The following GRIK4 variants were observed in gnomAD, a reference collection of about 807,000 sequenced individuals.
GRIK4 encodes glutamate receptor ionotropic, kainate 4.
A neutral mutation model predicts 104.9 loss-of-function variants in GRIK4; 40 were observed. The ratio of observed to expected loss-of-function variants is 0.38; its 90% confidence interval spans 0.30 to 0.50. The LOEUF (loss-of-function observed/expected upper bound fraction) is 0.50, where lower values mean the gene tolerates loss of function less well. Ranked by LOEUF, GRIK4 falls within the 20% of genes least tolerant of loss-of-function variation. The probability of loss-of-function intolerance (pLI) is 0.93; values close to 1 mark genes in which losing one functional copy is unlikely to be tolerated. For synonymous variants in GRIK4, 485 were observed against 524.9 expected (o/e 0.92, Z 1.04); for missense variants, 1,047 against 1,308.1 (o/e 0.80, Z 3.08).
intron 3 of GRIK4, among the ~76,000 whole-genome samples, chr11:120,748,453 A>G (rs1010537014): frequency 6.6e-6 from 1 of 151,954 alleles, no homozygotes; most frequent in Non-Finnish European, 1.5e-5. Flanking sequence ...CGGGTGGGTA[A>G]GGGGACAGCC....
intron 1 of GRIK4, among the ~76,000 whole-genome samples, chr11:120,517,707 T>G (rs1051753031): frequency 3.3e-5 from 5 of 151,844 alleles, no homozygotes; most frequent in Non-Finnish European, 7.4e-5. Flanking sequence ...AGGCATAGAG[T>G]AAACTCTACT....
chr11:120,553,593 G>C (rs1377802279), intron 1 of GRIK4, among the ~76,000 whole-genome samples: 3 of 152,220 alleles, frequency 2.0e-5, no homozygotes, highest in African/African-American at 7.2e-5. Context: ...AGAGGCTGTA[G>C]GGAAAAGAAG....
intron 13 of GRIK4, among the ~76,000 whole-genome samples, chr11:120,925,704 G>C (rs1943328980): frequency 6.6e-6 from 1 of 152,188 alleles, no homozygotes. Flanking sequence ...AGGCGCAGTG[G>C]CTCACGCCTG....
At chr11:120,643,717 G>A (rs1035227145) in intron 1 of GRIK4, among the ~76,000 whole-genome samples, 4 of 152,154 alleles carry the variant, frequency 2.6e-5, no homozygotes, top group Non-Finnish European at 4.4e-5. Flanking sequence ...TTTGAAGGAG[G>A]GCTCTGACCC....
intron 1 of GRIK4, among the ~76,000 whole-genome samples, chr11:120,597,668 G>A (rs1948822971): frequency 6.6e-6 from 1 of 152,194 alleles, no homozygotes; most frequent in South Asian, 2.1e-4. Context: ...GAGGTGGTGG[G>A]CCATGCGTGC....
chr11:120,864,900 C>T (rs1401629964), intron 9 of GRIK4, among the ~76,000 whole-genome samples: 4 of 152,186 alleles, frequency 2.6e-5, no homozygotes, highest in Non-Finnish European at 5.9e-5. Flanking sequence ...AAATACTGGC[C>T]TTGACATTTT....
intron 13 of GRIK4, among the ~76,000 whole-genome samples, chr11:120,915,045 G>T (rs1000255416): frequency 1.3e-5 from 2 of 152,144 alleles, no homozygotes. Flanking sequence ...CATGGGTTAA[G>T]GTCGTCCTGC....
chr11:120,657,094 A>G (rs145068396), intron 2 of GRIK4, among the ~76,000 whole-genome samples: 1 of 152,306 alleles, frequency 6.6e-6, no homozygotes, highest in African/African-American at 2.4e-5. Context: ...GCCTAACTGG[A>G]TTATTACAGT....
At chr11:120,879,670 G>T (rs925132923) in intron 11 of GRIK4, among the ~76,000 whole-genome samples, 1 of 152,156 alleles carries the variant, frequency 6.6e-6, no homozygotes, top group African/African-American at 2.4e-5. Flanking sequence ...TCCCTGTTGT[G>T]CCCTGTCAGT....
intron 3 of GRIK4, among the ~76,000 whole-genome samples, chr11:120,686,522 C>T (rs1247000740): frequency 1.3e-5 from 2 of 152,184 alleles, no homozygotes; most frequent in African/African-American, 4.8e-5. Context: ...TCACACAGTG[C>T]CTGTGTACCA....
intron 8 of GRIK4, among the ~76,000 whole-genome samples, chr11:120,849,963 A>C (rs561888696): frequency 6.6e-5 from 10 of 152,358 alleles, no homozygotes; most frequent in African/African-American, 2.2e-4. Context: ...CTGCAAGTTC[A>C]TTCCTGTGGT....
At chr11:120,534,400 G>A (rs977747532) in intron 1 of GRIK4, among the ~76,000 whole-genome samples, 2 of 152,088 alleles carry the variant, frequency 1.3e-5, no homozygotes, top group African/African-American at 2.4e-5. Flanking sequence ...GTGGGGCTGG[G>A]GATTTTGAAA....
chr11:120,617,767 T>C (rs7101412), intron 1 of GRIK4, among the ~76,000 whole-genome samples: 110,283 of 152,034 alleles, frequency 0.73, 40,484 homozygotes, highest in African/African-American at 0.8. Context: ...TTGGCCATGA[T>C]TGTAAGTTTT....
At chr11:120,827,860 A>G (rs577812548) in intron 6 of GRIK4, among the ~76,000 whole-genome samples, 1 of 152,270 alleles carries the variant, frequency 6.6e-6, no homozygotes, top group South Asian at 2.1e-4. Context: ...AGTGATGGGG[A>G]ACTCACTACC....
rs758408251 is a variant in GRIK4, at chr11:120,967,675, A to G, written c.2395+352A>G. On this transcript the variant is annotated intron_variant, in intron 19 of 20. Coordinates refer to ENST00000527524, the MANE Select transcript of GRIK4 (RefSeq NM_014619.5). The surrounding 1 kb of genome is among the most constrained non-coding windows in gnomAD (Gnocchi z 4.2). The stretch of plus-strand genomic sequence containing the variant: ...CAGTTTCCCATTCTTGCGTCTCTAC[A>G]GTATATTCTCCGCTACTAGCCAGAG... Among the ~76,000 whole-genome samples, 2 of 152,194 alleles carry G rather than the reference A, an allele frequency of 1.3e-5. No individual in the cohort carries two copies. The highest frequency in any genetic ancestry group is 2.4e-5 in the African/African-American group (1 of 41,430).
intron 2 of GRIK4, among the ~76,000 whole-genome samples, 171 bp from the exon 3 acceptor site, chr11:120,660,098 C>A (rs1949785421): frequency 6.6e-6 from 1 of 152,210 alleles, no homozygotes. Context: ...TTACAGCAAC[C>A]TGCCCCATGT....
intron 3 of GRIK4, among the ~76,000 whole-genome samples, chr11:120,725,991 G>A (rs561899294): frequency 6.6e-6 from 1 of 152,298 alleles, no homozygotes; most frequent in African/African-American, 2.4e-5. Flanking sequence ...AGGCAAAATA[G>A]GTAGCACTTA....
chr11:120,596,072 C>T (rs553014126), intron 1 of GRIK4, among the ~76,000 whole-genome samples: 40 of 152,328 alleles, frequency 2.6e-4, no homozygotes, highest in African/African-American at 9.4e-4. Context: ...ATCTCGAACT[C>T]TTGACCTCAA....
chr11:120,971,380 A>C (rs1944472873), intron 19 of GRIK4, among the ~76,000 whole-genome samples: 1 of 152,220 alleles, frequency 6.6e-6, no homozygotes, highest in South Asian at 2.1e-4. Context: ...TAAATGAACA[A>C]GTGAATGAGC....
Sources: allele counts gnomAD v4.1 joint callset (sites outside exome capture counted in the v4.1 genomes callset), GRCh38; gene constraint gnomAD v4.1.1; non-coding constraint Gnocchi (gnomAD v3.1); transcripts MANE v1.5; gene names NCBI Gene and HGNC (gene_info 2026-07-23, HGNC 2026-07-21).